RPS3: variants seen among roughly 807,000 people sequenced by gnomAD.
RPS3 encodes the protein small ribosomal subunit protein uS3.
In RPS3, 2 loss-of-function variants were observed where a neutral mutation model predicts 25.8. The ratio of observed to expected loss-of-function variants is 0.08; its 90% CI spans 0.03 to 0.24. RPS3 has a LOEUF of 0.24. RPS3 is among the 10% of genes least tolerant of loss of function. The pLI is 1.00. For synonymous variants in RPS3, 114 were observed against 114.2 expected, an observed-to-expected ratio of 1.00 and a Z score of 0.01; for missense variants, 107 against 307.1, an observed-to-expected ratio of 0.35 and a Z score of 4.87.
chr11:75,419,914 A>T (rs1948429145), intron 6 of RPS3, among the ~76,000 whole-genome samples: 1 of 152,226 alleles, frequency 6.6e-6, no homozygotes, highest in Non-Finnish European at 1.5e-5. Flanking sequence ...GTTTACAGTC[A>T]TTTTTTTAAA....
chr11:75,399,767 G>A (rs1948176788), intron 1 of RPS3, 190 bp downstream of exon 1: 1 of 587,752 alleles, frequency 1.7e-6, no homozygotes, highest in East Asian at 3.0e-5. Flanking sequence ...CTGTGTGGCC[G>A]GGTTCCAAGT....
At chr11:75,403,063 T>C (rs1025737778) in intron 4 of RPS3, 1 of 152,190 alleles carries the variant, frequency 6.6e-6, no homozygotes, top group African/African-American at 2.4e-5. Context: ...TTTGACTGTA[T>C]GTAAAGGCAC....
downstream of RPS3, among the ~76,000 whole-genome samples, chr11:75,408,480 TAAAA>T (rs1554990311): frequency 5.0e-5 from 7 of 140,418 alleles, no homozygotes; most frequent in East Asian, 2.0e-4. Context: ...CTCAAAAAAA[TAAAA>T]AAAAAACCCA....
At position 75,404,456 on chromosome 11, in the gene RPS3, A is replaced by C. The variant is rs778486080; in HGVS notation, c.539-216A>C. Reference sequence around the variant, plus strand: ...GACACGATGACGAGTCAGAAAGGTCACGTCCTGCTCTTGGTCCTTGTCAGT... The same window carrying C: ...GACACGATGACGAGTCAGAAAGGTCCCGTCCTGCTCTTGGTCCTTGTCAGT... On this transcript the variant is annotated intron_variant, in intron 5 of 6. Coordinates refer to ENST00000531188, the MANE Select transcript of RPS3 (RefSeq NM_001005.5). The surrounding 1 kb of genome is among the most constrained non-coding windows in gnomAD (Gnocchi z 4.6). The C allele has an allele frequency of 1.5e-5, 12 of 791,462 alleles. No homozygotes were observed. Among genetic ancestry groups the C allele is most frequent in the Non-Finnish European group, 2.5e-5 (11 of 434,456 alleles). 49.0% of individuals were successfully genotyped at this position (791,462 alleles called of 1,614,324 possible). A position where few individuals can be genotyped will look rare whatever the true frequency, so the allele number is the denominator to read the frequency against.
chr11:75,405,479 A>T (rs886875469), intron 6 of RPS3, 135 bp from the exon 7 acceptor site: 26 of 344,878 alleles, frequency 7.5e-5, no homozygotes, highest in Non-Finnish European at 1.3e-4. Context: ...TTTTATATGA[A>T]AAAGGACAAA....
intron 6 of RPS3, among the ~76,000 whole-genome samples, chr11:75,412,534 C>T (rs527639694): frequency 9.2e-5 from 14 of 152,270 alleles, no homozygotes; most frequent in African/African-American, 3.1e-4. Context: ...CAAGAAGAGG[C>T]ATTGAATATG....
intron 2 of RPS3, among the ~76,000 whole-genome samples, 172 bp downstream of exon 2, chr11:75,400,996 C>T (rs1185986764): frequency 2.6e-5 from 4 of 152,138 alleles, no homozygotes; most frequent in African/African-American, 4.8e-5. Context: ...CATTCTCCTG[C>T]GTCAGCCTCC....
chr11:75,419,599 TA>T (rs1948426839), intron 6 of RPS3, among the ~76,000 whole-genome samples: 1 of 152,054 alleles, frequency 6.6e-6, no homozygotes, highest in Admixed American at 6.6e-5. Context: ...AATATATCCA[TA>T]TGGTAATGAA....
intron 6 of RPS3, among the ~76,000 whole-genome samples, chr11:75,420,478 G>A (rs922120406): frequency 6.6e-6 from 1 of 152,162 alleles, no homozygotes; most frequent in Non-Finnish European, 1.5e-5. Flanking sequence ...AGGCAGTGTG[G>A]AGAGAGCTGG....
At chr11:75,417,293 G>T (rs911385147) in intron 6 of RPS3, among the ~76,000 whole-genome samples, 7 of 151,996 alleles carry the variant, frequency 4.6e-5, no homozygotes, top group Admixed American at 4.6e-4. Context: ...AACATAGCCA[G>T]ACTCCATCTC....
chr11:75,414,142 T>G (rs976024605), intron 6 of RPS3, among the ~76,000 whole-genome samples: 2 of 152,118 alleles, frequency 1.3e-5, no homozygotes, highest in African/African-American at 2.4e-5. Flanking sequence ...GCTTCTACAG[T>G]GGAAATGAGG....
intron 6 of RPS3, chr11:75,421,585 TGACA>T (rs966538470): frequency 2.0e-5 from 3 of 152,262 alleles, no homozygotes; most frequent in African/African-American, 7.2e-5. Flanking sequence ...GTTGGACACC[TGACA>T]GATTCAGGTG....
chr11:75,418,247 C>CCAGG (rs1462285376), intron 6 of RPS3, among the ~76,000 whole-genome samples: 1 of 152,262 alleles, frequency 6.6e-6, no homozygotes, highest in African/African-American at 2.4e-5. Flanking sequence ...TGGGGCAATG[C>CCAGG]CAGGACCACC....
downstream of RPS3, among the ~76,000 whole-genome samples, chr11:75,409,280 A>C (rs1948319775): frequency 6.9e-6 from 1 of 144,252 alleles, no homozygotes; most frequent in Non-Finnish European, 1.5e-5. Context: ...GAAGGTCAGC[A>C]GATAAACAAG....
chr11:75,405,377 C>A, intron 6 of RPS3: 1 of 290,270 alleles, frequency 3.4e-6, no homozygotes, highest in South Asian at 3.2e-5. Flanking sequence ...CCTTTAGCAG[C>A]CCCTGTAAAA....
At chr11:75,402,203 CAATCAA>C (rs1174462246) in intron 3 of RPS3, 143 bp from the exon 4 acceptor site, 2 of 1,162,884 alleles carry the variant, frequency 1.7e-6, no homozygotes, top group African/African-American at 3.1e-5. Context: ...TGTTGGGCCA[CAATCAA>C]AGCCATCTCC....
intron 3 of RPS3, 46 bp downstream of exon 3, chr11:75,401,779 A>G (rs773183964): frequency 9.4e-7 from 1 of 1,060,078 alleles, no homozygotes; most frequent in Middle Eastern, 2.0e-4. Flanking sequence ...CTTCAGAATG[A>G]TACTTCTAAA....
intron 6 of RPS3, among the ~76,000 whole-genome samples, chr11:75,418,492 A>C (rs542238854): frequency 3.3e-5 from 5 of 152,360 alleles, no homozygotes; most frequent in Admixed American, 6.5e-5. Flanking sequence ...GGGAAAAAAA[A>C]GGTAAAAAAA....
intron 6 of RPS3, among the ~76,000 whole-genome samples, chr11:75,418,812 C>G (rs965463771): frequency 6.6e-6 from 1 of 152,184 alleles, no homozygotes; most frequent in East Asian, 1.9e-4. Context: ...CCTCAGCCTG[C>G]CCAGGTACAG....
Sources: gnomAD v4.1 joint callset for allele counts (sites outside exome capture counted in the v4.1 genomes callset) on GRCh38, gnomAD v4.1.1 for gene constraint, Gnocchi (gnomAD v3.1) non-coding constraint, MANE v1.5 for transcripts, NCBI Gene and HGNC (gene_info 2026-07-23, HGNC 2026-07-21) for gene names.